The following SEC23A variants were observed in gnomAD, a reference collection of about 807,000 sequenced individuals.
SEC23A encodes the protein SEC23 homolog A, COPII component.
In SEC23A, 56 loss-of-function variants were observed where a neutral mutation model predicts 103.7. That is an observed-to-expected ratio of 0.54 (90% CI 0.44 to 0.67). The LOEUF is 0.67. Among genes scored for constraint, SEC23A ranks in the 30% least tolerant of loss-of-function variants. The pLI, the probability that SEC23A is intolerant of heterozygous loss-of-function variation, is 0.00. For synonymous variants in SEC23A, 281 were observed against 293.0 expected (o/e 0.96, Z 0.42); for missense variants, 784 against 936.4 (o/e 0.84, Z 2.12).
rs1006124035 is a variant in SEC23A, at chr14:39,061,800, C to T, written c.1470G>A (p.Gly490=). The T allele has an allele frequency of 1.3e-5, 21 of 1,613,566 alleles. No homozygotes were observed. The highest frequency in any genetic ancestry group is 1.7e-5 in the Non-Finnish European group (20 of 1,179,494). The change falls in exon 13 of 20, where the codon GGG becomes GGA. Residue 490 remains glycine, a synonymous_variant. Transcript: ENST00000307712. Reference sequence around the variant, plus strand: ...TGGTGGTCACTCGGATGCGTCTCTGCCCACTTGAATGCTGATACTGAGTCA... The same window carrying T: ...TGGTGGTCACTCGGATGCGTCTCTGTCCACTTGAATGCTGATACTGAGTCA... The part of the protein sequence containing the change: ...QFVTQYQHSS[G]QRRIRVTTIA...
At chr14:39,048,599 C>T (rs932790852) in intron 15 of SEC23A, 53 bp downstream of exon 15, 2 of 1,184,226 alleles carry the variant, frequency 1.7e-6, no homozygotes, top group Admixed American at 1.7e-5. Flanking sequence ...GAGCCTGTCT[C>T]TAAAAAAGGA....
chr14:39,084,959 C>A (rs868690407), intron 7 of SEC23A, among the ~76,000 whole-genome samples: 1 of 152,166 alleles, frequency 6.6e-6, no homozygotes, highest in Non-Finnish European at 1.5e-5. Flanking sequence ...GCATGAGGTG[C>A]CCAGCCAAGA....
At chr14:39,077,238 A>T (rs1594469385) in intron 7 of SEC23A, among the ~76,000 whole-genome samples, 1 of 142,532 alleles carries the variant, frequency 7.0e-6, no homozygotes. Context: ...AAAAAAAAAA[A>T]AAAAAAAAAA....
At chr14:39,098,284 A>AG (rs923117764) in intron 1 of SEC23A, among the ~76,000 whole-genome samples, 14 of 152,000 alleles carry the variant, frequency 9.2e-5, no homozygotes, top group African/African-American at 3.1e-4. Context: ...CGTGGGGGTG[A>AG]GGGGGAGATT....
intron 13 of SEC23A, among the ~76,000 whole-genome samples, chr14:39,060,571 G>A (rs1178020651): frequency 2.0e-5 from 3 of 152,102 alleles, no homozygotes; most frequent in Admixed American, 6.5e-5. Flanking sequence ...AAAGACCAAA[G>A]CCTGTTCATT....
chr14:39,052,740 T>C (rs1481005187), intron 14 of SEC23A, among the ~76,000 whole-genome samples: 1 of 152,220 alleles, frequency 6.6e-6, no homozygotes, highest in Non-Finnish European at 1.5e-5. Context: ...GCAAGCTATT[T>C]CAGAGTACAA....
At position 39,040,644 on chromosome 14, in the gene SEC23A, G is replaced by C. The variant is rs183651068; in HGVS notation, c.2142+88C>G. 315 of 1,509,356 alleles carry C rather than the reference G, an allele frequency of 2.1e-4. 2 individuals are homozygous for C. Among genetic ancestry groups the C allele is most frequent in the Non-Finnish European group, 1.7e-5 (19 of 1,086,862 alleles). The allele number at this position is 1,509,356 out of a possible 1,614,324, so 93.5% of individuals were successfully genotyped here. On this transcript the variant is annotated intron_variant, in intron 18 of 19. Transcript: ENST00000307712. ...CTTACCTTTCTGTCTGCTTTATGAA[G>C]CAATCTATTAAAATCAGAAGGCAAG...
In SEC23A at chr14:39,082,248, A is replaced by G. The variant is rs146525047; in HGVS notation, c.828+3514T>C. 1.7e-3 allele frequency among the ~76,000 whole-genome samples: 252 copies of G among 151,442 alleles called. 1 individual carries two copies. Among genetic ancestry groups the G allele is most frequent in the African/African-American group, 5.7e-3 (236 of 41,320 alleles). On this transcript the variant is annotated intron_variant, in intron 7 of 19. Coordinates refer to ENST00000307712, the MANE Select transcript of SEC23A (RefSeq NM_006364.4). Reference sequence around the variant, plus strand: ...ATTCTGTATGTATTTACATATATATATGTGTATATAAATTTATATATATAT... The same window carrying G: ...ATTCTGTATGTATTTACATATATATGTGTGTATATAAATTTATATATATAT...
chr14:39,092,459 T>C, intron 4 of SEC23A, 82 bp downstream of exon 4: 1 of 858,806 alleles, frequency 1.2e-6, no homozygotes, highest in African/African-American at 1.7e-5. Context: ...TTAAGCATGA[T>C]TCCTTCTAAA....
chr14:39,058,650 A>C (rs1594451634), intron 13 of SEC23A, among the ~76,000 whole-genome samples: 1 of 152,220 alleles, frequency 6.6e-6, no homozygotes, highest in East Asian at 1.9e-4. Context: ...CAAAATAATT[A>C]TTAAATGTTT....
chr14:39,074,327 T>C, intron 9 of SEC23A, 88 bp downstream of exon 9: 1 of 871,634 alleles, frequency 1.1e-6, no homozygotes. Context: ...AAGATGACAC[T>C]TTTCCCTAAA....
intron 8 of SEC23A, among the ~76,000 whole-genome samples, chr14:39,075,040 G>C (rs374657239): frequency 9.9e-5 from 15 of 152,272 alleles, no homozygotes; most frequent in African/African-American, 3.6e-4. Context: ...CCAAGAGATG[G>C]AGCTTACAGT....
At chr14:39,071,916 T>G (rs1462189201) in intron 9 of SEC23A, among the ~76,000 whole-genome samples, 2 of 151,956 alleles carry the variant, frequency 1.3e-5, no homozygotes, top group Non-Finnish European at 2.9e-5. Context: ...TTTAAAACTT[T>G]TGTGCTGCAA....
chr14:39,041,672 C>T (rs1349447910), intron 17 of SEC23A, among the ~76,000 whole-genome samples: 1 of 151,876 alleles, frequency 6.6e-6, no homozygotes, highest in Non-Finnish European at 1.5e-5. Flanking sequence ...GAGTTCGAGA[C>T]CAGCCTGGCC....
At chr14:39,090,974 G>GTGC (rs1390718273) in intron 5 of SEC23A, 5 of 350,650 alleles carry the variant, frequency 1.4e-5, no homozygotes, top group Admixed American at 4.1e-5. Flanking sequence ...CCAACAGTTG[G>GTGC]TGCTGCACCT....
chr14:39,078,300 G>A (rs1887109425), intron 7 of SEC23A, among the ~76,000 whole-genome samples: 2 of 151,908 alleles, frequency 1.3e-5, no homozygotes, highest in South Asian at 4.2e-4. Flanking sequence ...AGGAAATAAT[G>A]CAAGCAGTAG....
At chr14:39,081,639 A>C (rs1887228586) in intron 7 of SEC23A, among the ~76,000 whole-genome samples, 1 of 152,226 alleles carries the variant, frequency 6.6e-6, no homozygotes, top group Admixed American at 6.5e-5. Context: ...AATATATTTG[A>C]TAACGGGAGC....
At position 39,055,410 on chromosome 14, in the gene SEC23A, AT is replaced by A. The variant is rs11301994; in HGVS notation, c.1506-115del. 0.26 allele frequency: 205,574 copies of A among 804,098 alleles called. 6,218 individuals carry two copies. The highest frequency in any genetic ancestry group is 0.35 in the Middle Eastern group (881 of 2,552). The allele number at this position is 804,098 out of a possible 1,614,324, so 49.8% of individuals were successfully genotyped here. A position where few individuals can be genotyped will look rare whatever the true frequency, so the allele number is the denominator to read the frequency against. Reference sequence around the variant, plus strand: ...GATAAAAGATACAGAAACTACTAGGATTTTTTTTTTTTTTTGAGACAGAGTC... The same window carrying A: ...GATAAAAGATACAGAAACTACTAGGATTTTTTTTTTTTTTGAGACAGAGTC... On this transcript the variant is annotated intron_variant, in intron 13 of 19. Coordinates refer to ENST00000307712, the MANE Select transcript of SEC23A (RefSeq NM_006364.4).
At position 39,087,024 on chromosome 14, in the gene SEC23A, T is replaced by G. The variant is rs775462613; in HGVS notation, c.604-16A>C. Reference sequence around the variant, plus strand: ...CCAGCATTTCCTGTAAAGAGATTACTTGTGCAATATTCATTTAATTACTTT... The same window carrying G: ...CCAGCATTTCCTGTAAAGAGATTACGTGTGCAATATTCATTTAATTACTTT... On this transcript the variant is annotated splice_polypyrimidine_tract_variant and intron_variant, in intron 5 of 19. Transcript: ENST00000307712. 17 of 1,316,542 alleles carry G rather than the reference T, an allele frequency of 1.3e-5. No homozygotes were observed. The highest frequency in any genetic ancestry group is 1.8e-5 in the Non-Finnish European group (16 of 907,828). The allele number at this position is 1,316,542 out of a possible 1,614,324, so 81.6% of individuals were successfully genotyped here.
Sources: gnomAD v4.1 joint callset for allele counts (sites outside exome capture counted in the v4.1 genomes callset) on GRCh38, gnomAD v4.1.1 for gene constraint, MANE v1.5 for transcripts, NCBI Gene and HGNC (gene_info 2026-07-23, HGNC 2026-07-21) for gene names.